The following EXOC4 variants were observed in gnomAD, a reference collection of about 807,000 sequenced individuals.
EXOC4 encodes exocyst complex component 4.
Under a neutral mutation model 107.2 loss-of-function variants are expected in EXOC4, and 71 were observed. The observed-to-expected ratio is 0.66, with a 90% confidence interval of 0.55 to 0.81. The LOEUF (loss-of-function observed/expected upper bound fraction) is 0.81, where lower values mean the gene tolerates loss of function less well. EXOC4 is among the 30% of genes least tolerant of loss of function. The pLI, the probability that EXOC4 is intolerant of heterozygous loss-of-function variation, is 0.00. For synonymous variants in EXOC4, 456 were observed against 441.2 expected, an observed-to-expected ratio of 1.03 and a Z score of -0.42; for missense variants, 1,108 against 1,189.6, an observed-to-expected ratio of 0.93 and a Z score of 1.01.
chr7:133,954,802 G>A (rs1800776352), intron 14 of EXOC4, among the ~76,000 whole-genome samples: 1 of 152,344 alleles, frequency 6.6e-6, no homozygotes. Flanking sequence ...AAGTGAGCAT[G>A]GGCTCCAGCC....
chr7:133,866,410 A>G (rs1798642095), intron 11 of EXOC4, among the ~76,000 whole-genome samples: 1 of 152,098 alleles, frequency 6.6e-6, no homozygotes. Flanking sequence ...GGGGCAGGGA[A>G]CTAAGGAATA....
intron 10 of EXOC4, among the ~76,000 whole-genome samples, chr7:133,798,345 A>G (rs1341442542): frequency 6.6e-6 from 1 of 152,206 alleles, no homozygotes; most frequent in African/African-American, 2.4e-5. Context: ...AAAAGCTTTG[A>G]GGGAATTCCC....
intron 14 of EXOC4, among the ~76,000 whole-genome samples, chr7:133,960,019 G>A (rs1800905973): frequency 6.6e-6 from 1 of 152,178 alleles, no homozygotes; most frequent in Admixed American, 6.5e-5. Flanking sequence ...GGGGATTCTA[G>A]AGTAGTTACG....
intron 10 of EXOC4, among the ~76,000 whole-genome samples, chr7:133,777,034 T>C (rs1366044671): frequency 6.6e-6 from 1 of 152,142 alleles, no homozygotes; most frequent in Non-Finnish European, 1.5e-5. Context: ...ACAGGACCAT[T>C]TGAGAGCCAA....
At chr7:133,730,966 C>A (rs75044476) in intron 10 of EXOC4, among the ~76,000 whole-genome samples, 2 of 152,052 alleles carry the variant, frequency 1.3e-5, no homozygotes, top group Non-Finnish European at 2.9e-5. Flanking sequence ...ATAATAGTTA[C>A]AAAGTAAATC....
At chr7:133,284,207 A>G (rs1051784075) in intron 2 of EXOC4, among the ~76,000 whole-genome samples, 27 of 152,170 alleles carry the variant, frequency 1.8e-4, no homozygotes, top group African/African-American at 6.5e-4. Flanking sequence ...GAAGTGACAC[A>G]ATTGTCTTTT....
At chr7:134,064,171 C>T in intron 17 of EXOC4, 120 bp from the exon 18 acceptor site, 3 of 577,090 alleles carry the variant, frequency 5.2e-6, no homozygotes, top group Non-Finnish European at 8.5e-6. Flanking sequence ...TAGAACACTG[C>T]CTGCTGATCA....
intron 10 of EXOC4, among the ~76,000 whole-genome samples, chr7:133,679,944 C>T (rs892063896): frequency 6.6e-6 from 1 of 152,074 alleles, no homozygotes; most frequent in Non-Finnish European, 1.5e-5. Context: ...ATAGTGGGGG[C>T]TTTGTTGTTG....
chr7:133,899,198 T>C (rs1429078320), intron 12 of EXOC4, among the ~76,000 whole-genome samples: 1 of 152,156 alleles, frequency 6.6e-6, no homozygotes, highest in Non-Finnish European at 1.5e-5. Flanking sequence ...ATAGTAATTA[T>C]AGTGGAGATG....
intron 14 of EXOC4, among the ~76,000 whole-genome samples, chr7:133,974,594 G>C (rs1387070732): frequency 6.6e-6 from 1 of 152,154 alleles, no homozygotes; most frequent in Non-Finnish European, 1.5e-5. Flanking sequence ...CAGCAACATG[G>C]ACTCACTTGA....
intron 13 of EXOC4, among the ~76,000 whole-genome samples, chr7:133,923,810 TAAGA>T (rs1454715412): frequency 2.0e-5 from 3 of 152,206 alleles, no homozygotes; most frequent in Admixed American, 6.5e-5. Context: ...GAATCCTATT[TAAGA>T]AATCTATGAT....
rs986347336 is a variant in EXOC4, at chr7:133,829,654, T to C, written c.1734+12110T>C. On this transcript the variant is annotated intron_variant, in intron 11 of 17. Coordinates refer to ENST00000253861, the MANE Select transcript of EXOC4 (RefSeq NM_021807.4). ...CACTTCTGAATCTCTGTGAGGGTGT[T>C]CCCTGCTGAGCCCTCAAAGGCATGA... Among the ~76,000 whole-genome samples, 5 of 152,222 alleles carry C rather than the reference T, an allele frequency of 3.3e-5. No individual in the cohort carries two copies. The East Asian group carries it at 5.8e-4, about 18-fold the overall frequency.
At chr7:133,965,301 T>C (rs1218684576) in intron 14 of EXOC4, among the ~76,000 whole-genome samples, 1 of 152,262 alleles carries the variant, frequency 6.6e-6, no homozygotes, top group African/African-American at 2.4e-5. Context: ...CTGATGATAG[T>C]TTCTTTAGCT....
At chr7:134,039,021 C>T (rs906905950) in intron 17 of EXOC4, among the ~76,000 whole-genome samples, 2 of 152,198 alleles carry the variant, frequency 1.3e-5, no homozygotes, top group African/African-American at 2.4e-5. Context: ...CCTTCATTTT[C>T]CTTGGGGGAA....
intron 9 of EXOC4, chr7:133,484,261 C>A: frequency 7.9e-7 from 1 of 1,260,676 alleles, no homozygotes; most frequent in Non-Finnish European, 1.0e-6. Context: ...ACAGATGGTT[C>A]ATTATATAGT....
intron 10 of EXOC4, among the ~76,000 whole-genome samples, chr7:133,790,313 T>A (rs1203647841): frequency 6.6e-6 from 1 of 152,242 alleles, no homozygotes; most frequent in Non-Finnish European, 1.5e-5. Flanking sequence ...CTGAGATTGC[T>A]TAATAGTCCT....
At chr7:133,892,848 A>T (rs1003983081) in intron 11 of EXOC4, among the ~76,000 whole-genome samples, 1 of 144,770 alleles carries the variant, frequency 6.9e-6, no homozygotes, top group South Asian at 2.3e-4. Context: ...ACTTCCAACT[A>T]TGTGGTCAAT....
At chr7:133,316,364 G>A (rs1324353880) in intron 4 of EXOC4, among the ~76,000 whole-genome samples, 3 of 152,018 alleles carry the variant, frequency 2.0e-5, no homozygotes, top group African/African-American at 4.8e-5. Flanking sequence ...TACTGATGAT[G>A]TATTTCAGTA....
chr7:133,512,787 A>G (rs1799796367), intron 9 of EXOC4, among the ~76,000 whole-genome samples: 1 of 152,172 alleles, frequency 6.6e-6, no homozygotes, highest in Non-Finnish European at 1.5e-5. Context: ...AGTCTGTTAC[A>G]TTAAGGTTGA....
Sources: allele counts gnomAD v4.1 joint callset (sites outside exome capture counted in the v4.1 genomes callset), GRCh38; gene constraint gnomAD v4.1.1; transcripts MANE v1.5; gene names NCBI Gene and HGNC (gene_info 2026-07-23, HGNC 2026-07-21).